The following CCDC33 variants were observed in gnomAD, a reference collection of about 807,000 sequenced individuals.
CCDC33 encodes the protein coiled-coil domain-containing protein 33.
A neutral mutation model predicts 91.9 loss-of-function variants in CCDC33; 94 were observed. The observed-to-expected ratio is 1.02, with a 90% confidence interval of 0.87 to 1.21. The LOEUF is 1.21. Ranked by LOEUF, CCDC33 falls within the 50% of genes most tolerant of loss-of-function variation. The pLI is 0.00. For synonymous variants in CCDC33, 396 were observed against 374.5 expected, an observed-to-expected ratio of 1.06 and a Z score of -0.66; for missense variants, 940 against 935.5, an observed-to-expected ratio of 1.00 and a Z score of -0.06.
chr15:74,244,059 TAAG>T lies in CCDC33; in HGVS notation c.100_102del (p.Lys34del), dbSNP rs10552820. On this transcript the variant is annotated inframe_deletion, in exon 2 of 19. Transcript: ENST00000398814. The surrounding 1 kb of genome is among the most constrained non-coding windows in gnomAD (Gnocchi z 4.2). Reference sequence around the variant, plus strand: ...CTGAGATCGGTCACCTGTCTCCCTCTAAGAAGGAGACCATCATGGTCACCCTCC... The same window carrying T: ...CTGAGATCGGTCACCTGTCTCCCTCTAAGGAGACCATCATGGTCACCCTCC... 0.58 allele frequency: 937,511 copies of T among 1,612,940 alleles called. 282,425 individuals carry two copies. Among genetic ancestry groups the T allele is most frequent in the Non-Finnish European group, 0.63 (746,273 of 1,179,572 alleles).
At chr15:74,239,488 CTGTT>C (rs1312439265) in intron 1 of CCDC33, among the ~76,000 whole-genome samples, 1 of 152,212 alleles carries the variant, frequency 6.6e-6, no homozygotes, top group African/African-American at 2.4e-5. Context: ...GGCTGCCTGT[CTGTT>C]TGGATAAGGG....
chr15:74,336,317 G>T, downstream of CCDC33: 1 of 1,395,212 alleles, frequency 7.2e-7, no homozygotes, highest in Non-Finnish European at 9.5e-7. Context: ...GTGGAGAGAA[G>T]AGGCCTTCCA....
At chr15:74,230,639 C>T (rs138498516) in intron 2 of CCDC33, among the ~76,000 whole-genome samples, 66 of 152,316 alleles carry the variant, frequency 4.3e-4, no homozygotes, top group African/African-American at 1.5e-3. Context: ...ACATCACACT[C>T]TACTCGTCAC....
chr15:74,330,964 C>T lies in CCDC33; in HGVS notation c.1546-17C>T. 6.4e-7 allele frequency: 1 copy of T among 1,572,180 alleles called. No individual in the cohort carries two copies. Among genetic ancestry groups the T allele is most frequent in the East Asian group, 2.3e-5 (1 of 44,438 alleles). ...AGGCACCCATTCTCTCCCCTTCTCT[C>T]CTCCCCCATCTCACAGAAGAATGAT... On this transcript the variant is annotated splice_polypyrimidine_tract_variant and intron_variant, in intron 13 of 18. Transcript: ENST00000398814.
Position 74,217,763 on chromosome 15 carries a change from C to T in CCDC33, c.310+182C>T, listed in dbSNP as rs181157374. Among the ~76,000 whole-genome samples the T allele has an allele frequency of 3.9e-5, 6 of 152,216 alleles. No individual in the cohort carries two copies. The East Asian group carries it at 9.7e-4, about 25-fold the overall frequency. On this transcript the variant is annotated intron_variant, in intron 1 of 2. Transcript: ENST00000635913. ...TCTGGGCCTTTGTAACCCGTGCCTCCTTCAGTGTGGCATGGGGACACTGGT... is the reference window on the plus strand; with the variant it reads ...TCTGGGCCTTTGTAACCCGTGCCTCTTTCAGTGTGGCATGGGGACACTGGT...
chr15:74,217,599 G>A (rs999777018), intron 1 of CCDC33: 24 of 1,202,240 alleles, frequency 2.0e-5, no homozygotes, highest in Non-Finnish European at 2.5e-5. Context: ...GTAGGGGTGG[G>A]GTTTGGGGGA....
At chr15:74,231,727 G>T (rs1224606370), upstream of CCDC33, among the ~76,000 whole-genome samples, 1 of 152,170 alleles carries the variant, frequency 6.6e-6, no homozygotes, top group African/African-American at 2.4e-5. Context: ...CCTTAAAAAT[G>T]GACTCTGGCC....
intron 10 of CCDC33, among the ~76,000 whole-genome samples, chr15:74,292,408 G>C (rs2059601986): frequency 6.6e-6 from 1 of 152,152 alleles, no homozygotes; most frequent in South Asian, 2.1e-4. Context: ...CCCCAAATGT[G>C]AGCTGATTGA....
intron 11 of CCDC33, chr15:74,300,907 G>A (rs2059783050): frequency 6.6e-6 from 1 of 152,258 alleles, no homozygotes; most frequent in African/African-American, 2.4e-5. Flanking sequence ...ACTTCGTTTT[G>A]ATGCAGGCCT....
chr15:74,266,162 T>A (rs2142395145), intron 3 of CCDC33, among the ~76,000 whole-genome samples: 1 of 152,386 alleles, frequency 6.6e-6, no homozygotes, highest in African/African-American at 2.4e-5. Flanking sequence ...TATTGATAGC[T>A]GTATTAAAGG....
rs141418576 is a variant in CCDC33, at chr15:74,226,058, ATCAT to A, written c.675+7217_675+7220del. ...CAACCTCCCTCAGCCTGAGGTGATGATCATTCATTCATTCATTCATTCACTTTCC... is the reference window on the plus strand; with the variant it reads ...CAACCTCCCTCAGCCTGAGGTGATGATCATTCATTCATTCATTCACTTTCC... On this transcript the variant is annotated intron_variant, in intron 2 of 2. Transcript: ENST00000635913. Among the ~76,000 whole-genome samples the A allele has an allele frequency of 4.4e-3, 670 of 152,298 alleles. 2 individuals are homozygous for A. Among genetic ancestry groups the A allele is most frequent in the Non-Finnish European group, 6.9e-3 (471 of 68,034 alleles).
upstream of CCDC33, among the ~76,000 whole-genome samples, chr15:74,216,947 C>T (rs900788883): frequency 3.3e-5 from 5 of 152,136 alleles, no homozygotes; most frequent in Non-Finnish European, 5.9e-5. Flanking sequence ...CCCACCTCCC[C>T]CACTAGAAGA....
chr15:74,236,583 T>A lies in CCDC33; in HGVS notation c.-137T>A. On this transcript the variant is annotated 5_prime_UTR_variant, in exon 1 of 19. Coordinates refer to ENST00000398814, the MANE Select transcript of CCDC33 (RefSeq NM_025055.5). Reference sequence around the variant, plus strand: ...ACCCCTGAGACCACATTGACCTCCATACTGTCTACTACCCATAAGGACTCC... The same window carrying A: ...ACCCCTGAGACCACATTGACCTCCAAACTGTCTACTACCCATAAGGACTCC... 1 of 443,052 alleles carries A rather than the reference T, an allele frequency of 2.3e-6. No homozygotes were observed. Among genetic ancestry groups the A allele is most frequent in the Non-Finnish European group, 4.0e-6 (1 of 247,686 alleles). The allele number at this position is 443,052 out of a possible 1,614,324, so 27.4% of individuals were successfully genotyped here.
downstream of CCDC33, chr15:74,336,319 G>A (rs1216033997): frequency 2.2e-6 from 3 of 1,393,360 alleles, no homozygotes; most frequent in Admixed American, 2.2e-5. Context: ...GGAGAGAAGA[G>A]GCCTTCCAAA....
At chr15:74,257,619 C>A (rs896265744) in intron 2 of CCDC33, among the ~76,000 whole-genome samples, 15 of 152,178 alleles carry the variant, frequency 9.9e-5, no homozygotes, top group African/African-American at 3.4e-4. Context: ...CTCCTGACTC[C>A]CCCAACCCAT....
chr15:74,269,745 A>G (rs570708554), intron 5 of CCDC33, among the ~76,000 whole-genome samples: 2 of 134,948 alleles, frequency 1.5e-5, no homozygotes, highest in South Asian at 5.3e-4. Flanking sequence ...CACCCTGCCC[A>G]CTCTCCTGCC....
intron 1 of CCDC33, among the ~76,000 whole-genome samples, chr15:74,204,383 A>G (rs1456505720): frequency 6.6e-6 from 1 of 152,170 alleles, no homozygotes; most frequent in East Asian, 1.9e-4. Flanking sequence ...GCCAGTATTC[A>G]TTTGTGGGCC....
intron 10 of CCDC33, among the ~76,000 whole-genome samples, chr15:74,286,558 A>G (rs1226806003): frequency 6.6e-6 from 1 of 152,168 alleles, no homozygotes; most frequent in Admixed American, 6.5e-5. Flanking sequence ...TGCACACAGT[A>G]GGTGCTCACT....
At chr15:74,260,983 G>A (rs946290355) in intron 2 of CCDC33, among the ~76,000 whole-genome samples, 3 of 152,182 alleles carry the variant, frequency 2.0e-5, no homozygotes, top group South Asian at 2.1e-4. Flanking sequence ...GCTGGGCACC[G>A]TTAGCATCTC....
Sources: allele counts gnomAD v4.1 joint callset (sites outside exome capture counted in the v4.1 genomes callset), GRCh38; gene constraint gnomAD v4.1.1; non-coding constraint Gnocchi (gnomAD v3.1); transcripts MANE v1.5; gene names NCBI Gene and HGNC (gene_info 2026-07-23, HGNC 2026-07-21).